Variants in GZMM observed in about 807,000 individuals in gnomAD.
The protein encoded by GZMM is granzyme M, also known as HU-Met-1.
GZMM carries 23 observed loss-of-function variants against 19.2 expected under a neutral mutation model. The observed-to-expected ratio is 1.20, with a 90% CI of 0.86 to 1.69. GZMM has a LOEUF of 1.69. GZMM is among the 40% of genes most tolerant of loss of function. The probability of loss-of-function intolerance (pLI) is 0.00; values close to 1 mark genes in which losing one functional copy is unlikely to be tolerated. For missense variants in GZMM, 373 were observed against 352.2 expected, an observed-to-expected ratio of 1.06 and a Z score of -0.47; for synonymous variants, 178 against 160.2, an observed-to-expected ratio of 1.11 and a Z score of -0.84.
At chr19:546,029 C>T (rs1240225813) in intron 1 of GZMM, among the ~76,000 whole-genome samples, 2 of 151,256 alleles carry the variant, frequency 1.3e-5, no homozygotes, top group Non-Finnish European at 2.9e-5. Flanking sequence ...GTCTGCCCAC[C>T]TTGACCTCCC....
At chr19:545,935 A>G (rs914968008) in intron 1 of GZMM, among the ~76,000 whole-genome samples, 32 of 151,088 alleles carry the variant, frequency 2.1e-4, no homozygotes, top group African/African-American at 2.7e-4. Flanking sequence ...GAGCCACCGC[A>G]CCCGGCCTTA....
chr19:544,804 A>ATCCATCATCCATCCCTCTACCCATGGG (rs1349542074), intron 1 of GZMM, among the ~76,000 whole-genome samples: 1 of 112,044 alleles, frequency 8.9e-6, no homozygotes, highest in East Asian at 2.9e-4. Flanking sequence ...CCACCCACCC[A>ATCCATCATCCATCCCTCTACCCATGGG]TCCATCATCC....
At chr19:545,114 C>T (rs1943289403) in intron 1 of GZMM, among the ~76,000 whole-genome samples, 1 of 148,704 alleles carries the variant, frequency 6.7e-6, no homozygotes, top group African/African-American at 2.6e-5. Flanking sequence ...TCCTTCCTTT[C>T]TCCCGTGCTT....
At position 547,344 on chromosome 19, in the gene GZMM, G is replaced by C; in HGVS notation, c.120G>C (p.Met40Ile). ...TGATCCCCCACTCGCGCCCGTACAT[G>C]GCCTCACTGCAGAGAAATGGCTCCC... ...REVIPHSRPY[M>I]ASLQRNGSHL... is the part of the protein sequence containing the mutation. Residue 40 changes from methionine (M) to isoleucine (I), a missense_variant, in exon 2 of 5, where the codon ATG becomes ATC. Met to Ile is a conservative substitution (Grantham distance 10). Transcript: ENST00000264553. The C allele has an allele frequency of 6.3e-7, 1 of 1,579,304 alleles. No homozygotes were observed. Among genetic ancestry groups the C allele is most frequent in the South Asian group, 1.2e-5 (1 of 86,742 alleles).
intron 1 of GZMM, 133 bp downstream of exon 1, chr19:544,259 C>A: frequency 3.9e-6 from 3 of 766,378 alleles, no homozygotes; most frequent in Non-Finnish European, 4.3e-6. Context: ...TGGAGGGGGA[C>A]TGAGGCCTGG....
At chr19:545,729 T>C (rs554721433) in intron 1 of GZMM, among the ~76,000 whole-genome samples, 17 of 148,990 alleles carry the variant, frequency 1.1e-4, no homozygotes, top group Admixed American at 8.0e-4. Flanking sequence ...CCACAACCTC[T>C]GCCTCCCGGG....
At chr19:544,306 C>T (rs955960018) in intron 1 of GZMM, among the ~76,000 whole-genome samples, 180 bp downstream of exon 1, 3 of 152,184 alleles carry the variant, frequency 2.0e-5, no homozygotes, top group Admixed American at 1.3e-4. Flanking sequence ...CCCGAGTGGA[C>T]ATCCCGGGAC....
At chr19:544,828 T>C (rs1660857194) in intron 1 of GZMM, among the ~76,000 whole-genome samples, 1 of 147,762 alleles carries the variant, frequency 6.8e-6, no homozygotes, top group African/African-American at 2.5e-5. Flanking sequence ...CCTCTACCCA[T>C]GGGTCCATCA....
Position 545,427 on chromosome 19 carries a change from A to C in GZMM, c.55+1301A>C, listed in dbSNP as rs539101042. Among the ~76,000 whole-genome samples, 149 of 152,298 alleles carry C rather than the reference A, an allele frequency of 9.8e-4. 1 individual carries two copies. In the Middle Eastern group the frequency reaches 0.014, roughly 14 times the overall value. ...CGATGGTGCCATCTCGGCTCACTGC[A>C]GCCTCCGCCTCCTGGTTTCAAGCGA... On this transcript the variant is annotated intron_variant, in intron 1 of 4. Transcript: ENST00000264553.
At chr19:544,185 T>G (rs1600436676) in intron 1 of GZMM, 59 bp downstream of exon 1, 1 of 1,423,600 alleles carries the variant, frequency 7.0e-7, no homozygotes, top group Admixed American at 2.0e-5. Flanking sequence ...GGTGGGTCCC[T>G]GGATGGGAGG....
At position 549,862 on chromosome 19, in the gene GZMM, G is replaced by T; in HGVS notation, c.*71G>T. On this transcript the variant is annotated 3_prime_UTR_variant, in exon 5 of 5. Coordinates refer to ENST00000264553, the MANE Select transcript of GZMM (RefSeq NM_005317.4). ...TCCCCTCCAGGGGTGCAGTGGGGTG[G>T]GTGAGGACGGGTGGGAGGGACAGGG... is the stretch of plus-strand genomic sequence containing the variant. The T allele has an allele frequency of 2.0e-6, 2 of 990,280 alleles. No homozygotes were observed. The highest frequency in any genetic ancestry group is 1.3e-5 in the South Asian group (1 of 74,490). 61.3% of individuals were successfully genotyped at this position (990,280 alleles called of 1,614,324 possible). A position where few individuals can be genotyped will look rare whatever the true frequency, so the allele number is the denominator to read the frequency against.
At chr19:547,528 C>A in intron 2 of GZMM, 92 bp downstream of exon 2, 1 of 1,044,848 alleles carries the variant, frequency 9.6e-7, no homozygotes, top group Non-Finnish European at 1.3e-6. Context: ...GAGATTTAGG[C>A]CCATTGTGGG....
chr19:546,145 T>C (rs1018993635), intron 1 of GZMM, among the ~76,000 whole-genome samples: 3 of 152,246 alleles, frequency 2.0e-5, no homozygotes, highest in Non-Finnish European at 4.4e-5. Context: ...TGATTTACGT[T>C]ACATTATGAA....
intron 2 of GZMM, 98 bp from the exon 3 acceptor site, chr19:548,444 A>G: frequency 8.1e-7 from 1 of 1,230,522 alleles, no homozygotes. Flanking sequence ...GCTGTGAGTG[A>G]TGGCCATGGA....
At chr19:545,051 C>G (rs1212566370) in intron 1 of GZMM, among the ~76,000 whole-genome samples, 2 of 152,106 alleles carry the variant, frequency 1.3e-5, no homozygotes, top group African/African-American at 4.8e-5. Context: ...TCCTTTCCCC[C>G]CTCCTTCCCT....
At chr19:549,419 G>C (rs1049450915) in intron 4 of GZMM, among the ~76,000 whole-genome samples, 1 of 152,214 alleles carries the variant, frequency 6.6e-6, no homozygotes, top group Non-Finnish European at 1.5e-5. Flanking sequence ...TGTGACTTCT[G>C]CTCCAGCCAA....
In GZMM at chr19:549,133, C is replaced by T. The variant is rs373974834; in HGVS notation, c.560C>T (p.Ser187Phe). 2.2e-5 allele frequency: 35 copies of T among 1,579,688 alleles called. No homozygotes were observed. In the African/African-American group the frequency reaches 4.3e-4, roughly 19 times the overall value. The change falls in exon 4 of 5, where the codon TCC (serine) becomes TTC (phenylalanine). Residue 187 changes from serine to phenylalanine, a missense_variant. By Grantham distance (155) the Ser-to-Phe change is radical. Transcript: ENST00000264553. The stretch of plus-strand genomic sequence containing the variant: ...AGCCGCTTCTGGAACGGCAGCCTCT[C>T]CCCCAGCATGGTCTGCCTGGCGGCC... ...NNSRFWNGSLSPSMVCLAADS... is the reference protein window; with the variant it reads ...NNSRFWNGSLFPSMVCLAADS...
chr19:547,415 C>T lies in GZMM; in HGVS notation c.191C>T (p.Ala64Val). Residue 64 changes from alanine (A) to valine (V), a missense_variant, in exon 2 of 5, where the codon GCT (alanine) becomes GTT (valine). By Grantham distance (64) the Ala-to-Val change is moderately conservative (BLOSUM62 0). Transcript: ENST00000264553. ...VLVHPKWVLT[A>V]AHCLAQRMAQ... Reference sequence around the variant, plus strand: ...GTGCACCCAAAGTGGGTGCTGACGGCTGCCCACTGCCTGGCCCAGCGGTGA... The same window carrying T: ...GTGCACCCAAAGTGGGTGCTGACGGTTGCCCACTGCCTGGCCCAGCGGTGA... 1 of 1,484,982 alleles carries T rather than the reference C, an allele frequency of 6.7e-7. No individual in the cohort carries two copies. The highest frequency in any genetic ancestry group is 1.4e-5 in the African/African-American group (1 of 69,650). 92.0% of individuals were successfully genotyped at this position (1,484,982 alleles called of 1,614,324 possible).
chr19:548,979 C>T lies in GZMM; in HGVS notation c.406C>T (p.Arg136Cys), dbSNP rs140428817. 121 of 1,603,596 alleles carry T rather than the reference C, an allele frequency of 7.5e-5. No individual in the cohort carries two copies. Among genetic ancestry groups the T allele is most frequent in the African/African-American group, 5.9e-4 (44 of 74,652 alleles). Residue 136 changes from arginine (R) to cysteine (C), a missense_variant, in exon 4 of 5, where the codon CGC (arginine) becomes TGC (cysteine). Coordinates refer to ENST00000264553, the MANE Select transcript of GZMM (RefSeq NM_005317.4). The stretch of plus-strand genomic sequence containing the variant: ...CCGGCCGTTGGCCCTGCCCAGTAAG[C>T]GCCAGGTGGTGGCAGCAGGGACTCG... ...TIRPLALPSK[R>C]QVVAAGTRCS...
Sources: gnomAD v4.1 joint callset for allele counts (sites outside exome capture counted in the v4.1 genomes callset) on GRCh38, gnomAD v4.1.1 for gene constraint, MANE v1.5 for transcripts, NCBI Gene and HGNC (gene_info 2026-07-23, HGNC 2026-07-21) for gene names.